AGBL4: variants seen among roughly 807,000 people sequenced by gnomAD.
AGBL4 encodes the protein cytosolic carboxypeptidase 6.
AGBL4 carries 58 observed loss-of-function variants against 66.4 expected under a neutral mutation model. The ratio of observed to expected loss-of-function variants is 0.87; its 90% confidence interval spans 0.71 to 1.09. The LOEUF (loss-of-function observed/expected upper bound fraction) is 1.09. AGBL4 is among the 50% of genes least tolerant of loss of function. The pLI, the probability that AGBL4 is intolerant of heterozygous loss-of-function variation, is 0.00. For missense variants in AGBL4, 579 were observed against 631.0 expected (o/e 0.92, Z 0.88); for synonymous variants, 234 against 222.9 (o/e 1.05, Z -0.44).
chr1:48,895,050 C>G (rs766287457), intron 5 of AGBL4, among the ~76,000 whole-genome samples: 1 of 152,174 alleles, frequency 6.6e-6, no homozygotes, highest in Non-Finnish European at 1.5e-5. Flanking sequence ...GGGCAGTTAA[C>G]GCTGCTAAGG....
intron 6 of AGBL4, among the ~76,000 whole-genome samples, chr1:48,722,791 C>A (rs1647173166): frequency 6.6e-6 from 1 of 152,128 alleles, no homozygotes; most frequent in Non-Finnish European, 1.5e-5. Context: ...TCTTGCTGAC[C>A]AAACTCTTCC....
chr1:49,975,716 A>T (rs1454933416), intron 1 of AGBL4, among the ~76,000 whole-genome samples: 1 of 152,136 alleles, frequency 6.6e-6, no homozygotes, highest in Non-Finnish European at 1.5e-5. Context: ...AACCCCTCTA[A>T]ACCTGTAAAA....
intron 3 of AGBL4, among the ~76,000 whole-genome samples, chr1:49,581,035 A>G (rs1644532146): frequency 6.6e-6 from 1 of 152,126 alleles, no homozygotes; most frequent in Non-Finnish European, 1.5e-5. Flanking sequence ...AAATGTTTCA[A>G]AGGCTTTATT....
intron 1 of AGBL4, among the ~76,000 whole-genome samples, chr1:49,959,557 C>T (rs193038543): frequency 5.9e-4 from 90 of 152,010 alleles, no homozygotes; most frequent in Non-Finnish European, 9.3e-4. Context: ...ATTTCTTGGA[C>T]GAATTAATAA....
chr1:49,303,473 G>A (rs199699856), intron 3 of AGBL4, among the ~76,000 whole-genome samples: 2 of 27,370 alleles, frequency 7.3e-5, no homozygotes, highest in East Asian at 6.8e-4. Flanking sequence ...ATTTATTTGA[G>A]ACAGAGTCTT....
chr1:49,984,494 A>G (rs895276020), intron 1 of AGBL4, among the ~76,000 whole-genome samples: 7 of 152,230 alleles, frequency 4.6e-5, no homozygotes, highest in African/African-American at 1.4e-4. Flanking sequence ...GACTACCTTC[A>G]TGAATATTCA....
chr1:49,636,356 G>A (rs751351372), intron 3 of AGBL4, among the ~76,000 whole-genome samples: 12 of 152,136 alleles, frequency 7.9e-5, no homozygotes, highest in Non-Finnish European at 1.6e-4. Flanking sequence ...AAGCTCTCTT[G>A]TGTCTCTTCT....
At chr1:49,492,052 CT>C (rs2148745371) in intron 3 of AGBL4, among the ~76,000 whole-genome samples, 1 of 151,998 alleles carries the variant, frequency 6.6e-6, no homozygotes, top group South Asian at 2.1e-4. Context: ...CCTCAAAATA[CT>C]TTATTGTACT....
In AGBL4 at chr1:49,379,728, C is replaced by T. The variant is rs556489508; in HGVS notation, c.283-133864G>A. Among the ~76,000 whole-genome samples the T allele has an allele frequency of 9.6e-4, 146 of 152,158 alleles. 2 individuals carry two copies. Among genetic ancestry groups the T allele is most frequent in the Admixed American group, 2.8e-3 (42 of 15,248 alleles). ...CCAGCCTTGCATCCCAGGGATGAAG[C>T]CCACTTGATCATGGTGGATAAGCTT... On this transcript the variant is annotated intron_variant, in intron 3 of 13. Transcript: ENST00000371839.
At chr1:49,467,390 T>A (rs1646653272) in intron 3 of AGBL4, among the ~76,000 whole-genome samples, 1 of 151,736 alleles carries the variant, frequency 6.6e-6, no homozygotes, top group African/African-American at 2.4e-5. Context: ...ATAGAAGAGG[T>A]TCAATATTTG....
At chr1:50,001,429 GTGTGTGTGTGTGTCTGTATA>G (rs1660742250) in intron 1 of AGBL4, among the ~76,000 whole-genome samples, 1 of 150,998 alleles carries the variant, frequency 6.6e-6, no homozygotes, top group Non-Finnish European at 1.5e-5. Flanking sequence ...GTGTGTGTGT[GTGTGTGTGTGTGTCTGTATA>G]TGTGTGTGTG....
chr1:49,665,445 A>G (rs1646346766), intron 3 of AGBL4, among the ~76,000 whole-genome samples: 1 of 152,214 alleles, frequency 6.6e-6, no homozygotes, highest in Non-Finnish European at 1.5e-5. Context: ...TCTGTTAAAT[A>G]GAAATAATAT....
chr1:48,962,170 T>C (rs1221066286), intron 5 of AGBL4, among the ~76,000 whole-genome samples: 2 of 152,122 alleles, frequency 1.3e-5, no homozygotes, highest in Non-Finnish European at 2.9e-5. Context: ...TGTTGAATGT[T>C]ACGAAGTACT....
At chr1:49,584,659 A>C (rs1644612717) in intron 3 of AGBL4, among the ~76,000 whole-genome samples, 1 of 152,192 alleles carries the variant, frequency 6.6e-6, no homozygotes, top group Non-Finnish European at 1.5e-5. Context: ...CTCTTTAAGA[A>C]ACCGAAAACA....
chr1:49,333,973 G>A (rs1261927304), intron 3 of AGBL4, among the ~76,000 whole-genome samples: 1 of 152,168 alleles, frequency 6.6e-6, no homozygotes, highest in Non-Finnish European at 1.5e-5. Context: ...TCCTACAATT[G>A]ACCAGGTTTC....
intron 2 of AGBL4, among the ~76,000 whole-genome samples, chr1:49,817,111 A>C (rs1333699595): frequency 2.0e-5 from 3 of 152,172 alleles, no homozygotes; most frequent in Non-Finnish European, 2.9e-5. Flanking sequence ...ACCAGACCCA[A>C]ACTGAGAAAA....
At chr1:49,981,768 C>T (rs953522122) in intron 1 of AGBL4, among the ~76,000 whole-genome samples, 15 of 152,310 alleles carry the variant, frequency 9.8e-5, no homozygotes, top group Middle Eastern at 3.4e-3. Flanking sequence ...AAGTAAACCA[C>T]TAAACCAATT....
At chr1:49,456,556 G>A (rs1433060203) in intron 3 of AGBL4, among the ~76,000 whole-genome samples, 2 of 151,578 alleles carry the variant, frequency 1.3e-5, no homozygotes, top group African/African-American at 2.4e-5. Context: ...TTTCCTGTGT[G>A]AGGCAATTTA....
At chr1:49,007,394 C>T (rs1409348728) in intron 5 of AGBL4, among the ~76,000 whole-genome samples, 4 of 150,284 alleles carry the variant, frequency 2.7e-5, no homozygotes, top group African/African-American at 7.3e-5. Flanking sequence ...ACCAAATCTA[C>T]GTCTGACTGG....
Sources: gnomAD v4.1 joint callset for allele counts (sites outside exome capture counted in the v4.1 genomes callset) on GRCh38, gnomAD v4.1.1 for gene constraint, MANE v1.5 for transcripts, NCBI Gene and HGNC (gene_info 2026-07-23, HGNC 2026-07-21) for gene names.